Variants in SSPN observed in about 807,000 individuals in gnomAD.
SSPN encodes sarcospan, also known as K-ras oncogene-associated protein.
Under a neutral mutation model 19.1 loss-of-function variants are expected in SSPN, and 15 were observed. That is an observed-to-expected ratio of 0.78 (90% CI 0.52 to 1.21). The LOEUF (loss-of-function observed/expected upper bound fraction) is 1.21. Among genes scored for constraint, SSPN ranks in the 50% most tolerant of loss-of-function variants. SSPN has a pLI of 0.00. For synonymous variants in SSPN, 147 were observed against 140.3 expected (o/e 1.05, Z -0.34); for missense variants, 291 against 314.0 (o/e 0.93, Z 0.55).
rs1041678001 is a variant in SSPN, at chr12:26,231,869, T to A, written c.*793T>A. 1 of 869,870 alleles carries A rather than the reference T, an allele frequency of 1.1e-6. No individual in the cohort carries two copies. Among genetic ancestry groups the A allele is most frequent in the Non-Finnish European group, 1.4e-6 (1 of 724,700 alleles). The allele number at this position is 869,870 out of a possible 1,614,324, so 53.9% of individuals were successfully genotyped here. On this transcript the variant is annotated 3_prime_UTR_variant, in exon 3 of 3. Transcript: ENST00000242729. ...TCATTAAAACTAATTTCTAGCTAAT[T>A]GTTAATTATAATTATGCTCAGAAGT...
intron 1 of SSPN, among the ~76,000 whole-genome samples, chr12:26,208,208 C>G (rs1255790081): frequency 6.6e-6 from 1 of 152,162 alleles, no homozygotes; most frequent in African/African-American, 2.4e-5. Context: ...TAGACATCGT[C>G]AAATTACTAG....
At chr12:26,157,504 C>A (rs974656509) in intron 1 of SSPN, among the ~76,000 whole-genome samples, 1 of 152,158 alleles carries the variant, frequency 6.6e-6, no homozygotes, top group Non-Finnish European at 1.5e-5. Context: ...ACTGGATATA[C>A]TGTACTCACA....
chr12:26,156,839 T>C (rs1432564490), intron 1 of SSPN, among the ~76,000 whole-genome samples: 3 of 152,178 alleles, frequency 2.0e-5, no homozygotes, highest in Admixed American at 2.0e-4. Context: ...GCTTATAGCA[T>C]AGGTTTGTGT....
chr12:26,196,073 C>T (rs968501673), intron 1 of SSPN, 122 bp downstream of exon 1: 5 of 865,172 alleles, frequency 5.8e-6, no homozygotes, highest in Non-Finnish European at 8.2e-6. Context: ...CTAACTCGCG[C>T]TCTGCTCGGT....
intron 1 of SSPN, 101 bp from the exon 2 acceptor site, chr12:26,224,192 T>C: frequency 1.2e-6 from 1 of 820,774 alleles, no homozygotes; most frequent in South Asian, 1.5e-5. Context: ...AACGGACAGC[T>C]TTATAACATG....
intron 1 of SSPN, among the ~76,000 whole-genome samples, chr12:26,165,470 A>C (rs561547789): frequency 9.8e-5 from 15 of 152,316 alleles, no homozygotes; most frequent in African/African-American, 3.4e-4. Context: ...TATGGCCTGG[A>C]GCAATTTAAT....
chr12:26,190,877 C>T (rs1944783274), upstream of SSPN, among the ~76,000 whole-genome samples: 1 of 152,226 alleles, frequency 6.6e-6, no homozygotes. Flanking sequence ...AGAAGACTTA[C>T]TTCCATCACC....
At chr12:26,226,670 TC>T (rs750938826) in intron 2 of SSPN, among the ~76,000 whole-genome samples, 7 of 152,114 alleles carry the variant, frequency 4.6e-5, no homozygotes, top group Non-Finnish European at 1.0e-4. Context: ...TTCCTGCCTT[TC>T]CTAGTGGCCT....
intron 1 of SSPN, among the ~76,000 whole-genome samples, chr12:26,138,285 A>C (rs578246389): frequency 6.6e-6 from 1 of 152,342 alleles, no homozygotes; most frequent in East Asian, 1.9e-4. Context: ...CAGAGGGCCA[A>C]CTGTATTTAA....
chr12:26,169,383 G>C (rs1944640832), intron 1 of SSPN, among the ~76,000 whole-genome samples: 1 of 151,954 alleles, frequency 6.6e-6, no homozygotes, highest in African/African-American at 2.4e-5. Context: ...TTTTCCAGAA[G>C]CACTCATTTG....
chr12:26,181,280 T>A (rs1211231345), intron 1 of SSPN: 1 of 152,218 alleles, frequency 6.6e-6, no homozygotes, highest in African/African-American at 2.4e-5. Context: ...TTGGAAAAAC[T>A]GTCATTTGAT....
At chr12:26,139,779 T>C (rs1174458934) in intron 1 of SSPN, among the ~76,000 whole-genome samples, 2 of 152,236 alleles carry the variant, frequency 1.3e-5, no homozygotes, top group Non-Finnish European at 2.9e-5. Flanking sequence ...TTTATTACCT[T>C]TGTTTTTACT....
chr12:26,125,608 C>T (rs1439552380), intron 1 of SSPN: 1 of 152,252 alleles, frequency 6.6e-6, no homozygotes, highest in Non-Finnish European at 1.5e-5. Flanking sequence ...TACATGAAAA[C>T]GTTGTCACTG....
intron 1 of SSPN, among the ~76,000 whole-genome samples, chr12:26,170,952 A>G (rs1166211348): frequency 1.3e-5 from 2 of 152,236 alleles, no homozygotes; most frequent in African/African-American, 4.8e-5. Flanking sequence ...AACTCTACAA[A>G]TAGGGATTGT....
At chr12:26,212,138 AGCCC>A (rs1232155406) in intron 1 of SSPN, among the ~76,000 whole-genome samples, 11 of 152,204 alleles carry the variant, frequency 7.2e-5, no homozygotes, top group African/African-American at 2.7e-4. Context: ...TAGGTGAGGA[AGCCC>A]TGCTTTTGCA....
At chr12:26,163,229 G>A (rs192671154) in intron 1 of SSPN, among the ~76,000 whole-genome samples, 51 of 152,274 alleles carry the variant, frequency 3.3e-4, no homozygotes, top group Non-Finnish European at 5.9e-4. Flanking sequence ...TAAATGTGGC[G>A]TGGGGAGTAA....
chr12:26,158,394 A>T (rs1464343421), intron 1 of SSPN, among the ~76,000 whole-genome samples: 3 of 152,056 alleles, frequency 2.0e-5, no homozygotes, highest in African/African-American at 7.2e-5. Context: ...ATGTCAGCGT[A>T]GGGGCCTAGC....
rs904693511 is a variant in SSPN at position 26,178,052 on chromosome 12, C to T, written c.-30-46241C>T. Among the ~76,000 whole-genome samples the T allele has an allele frequency of 1.4e-4, 22 of 152,120 alleles. 1 individual carries two copies. The highest frequency in any genetic ancestry group is 1.2e-3 in the Admixed American group (18 of 15,264). On this transcript the variant is annotated intron_variant, in intron 1 of 2. Transcript: ENST00000538142. ...CACCAGCTACCCAATTACTTGAGGC[C>T]GCAAAATACAAGGTCATGTGTTTTG...
chr12:26,189,464 C>T (rs1351062669), intron 1 of SSPN, among the ~76,000 whole-genome samples: 1 of 152,208 alleles, frequency 6.6e-6, no homozygotes, highest in Admixed American at 6.5e-5. Flanking sequence ...CCTCCTACCT[C>T]AGCCTATGAA....
Sources: gnomAD v4.1 joint callset for allele counts (sites outside exome capture counted in the v4.1 genomes callset) on GRCh38, gnomAD v4.1.1 for gene constraint, MANE v1.5 for transcripts, NCBI Gene and HGNC (gene_info 2026-07-23, HGNC 2026-07-21) for gene names.